USP8: variants seen among roughly 807,000 people sequenced by gnomAD.
The protein encoded by USP8 is ubiquitin specific peptidase 8.
USP8 carries 27 observed loss-of-function variants against 130.0 expected under a neutral mutation model. The observed-to-expected ratio is 0.21, with a 90% CI of 0.15 to 0.29. The LOEUF (loss-of-function observed/expected upper bound fraction) is 0.29, where lower values mean the gene tolerates loss of function less well. Ranked by LOEUF, USP8 falls within the 10% of genes least tolerant of loss-of-function variation. The pLI, the probability that USP8 is intolerant of heterozygous loss-of-function variation, is 1.00. For missense variants in USP8, 1,029 were observed against 1,312.2 expected (o/e 0.78, Z 3.33); for synonymous variants, 392 against 444.1 (o/e 0.88, Z 1.48).
chr15:50,428,857 T>G (rs1336825910), intron 1 of USP8, among the ~76,000 whole-genome samples: 1 of 152,202 alleles, frequency 6.6e-6, no homozygotes, highest in Non-Finnish European at 1.5e-5. Context: ...TTGACATACG[T>G]GAATCTCTGC....
In USP8 at chr15:50,502,907, C is replaced by T. The variant is rs1353002192; in HGVS notation, c.*3819C>T. On this transcript the variant is annotated 3_prime_UTR_variant, in exon 20 of 20. Coordinates refer to ENST00000307179, the MANE Select transcript of USP8 (RefSeq NM_005154.5). ...TGAGCTTTAATTTCTCATCTATTAA[C>T]ATGGCTTGTTTTGTATAGCTGTTAT... 1 of 152,208 alleles carries T rather than the reference C, an allele frequency of 6.6e-6. No homozygotes were observed. Among genetic ancestry groups the T allele is most frequent in the Non-Finnish European group, 1.5e-5 (1 of 68,040 alleles). 9.4% of individuals were successfully genotyped at this position (152,208 alleles called of 1,614,324 possible).
At chr15:50,463,873 A>G (rs547951315) in intron 6 of USP8, among the ~76,000 whole-genome samples, 2 of 152,374 alleles carry the variant, frequency 1.3e-5, no homozygotes, top group Admixed American at 6.5e-5. Context: ...AAGGAAAAAT[A>G]GTAACATAGG....
intron 13 of USP8, 53 bp downstream of exon 13, chr15:50,489,934 T>G: frequency 7.1e-7 from 1 of 1,409,536 alleles, no homozygotes; most frequent in Non-Finnish European, 9.7e-7. Flanking sequence ...AAAAATGTTT[T>G]ATTTGTTTAT....
At chr15:50,427,010 A>C (rs994963193) in intron 1 of USP8, 3 of 147,378 alleles carry the variant, frequency 2.0e-5, no homozygotes, top group African/African-American at 7.5e-5. Context: ...CCTGGAGTGC[A>C]GTGTACGATC....
chr15:50,465,403 A>G (rs541666524), intron 7 of USP8, among the ~76,000 whole-genome samples: 1 of 152,264 alleles, frequency 6.6e-6, no homozygotes, highest in South Asian at 2.1e-4. Context: ...GGCAAAAGAA[A>G]GAGAAAGAAG....
rs1272856940 is a variant in USP8 at position 50,510,646 on chromosome 15, G to A, written c.*11558G>A. ...GATACAAGATTTAAATCAGCAAAAA[G>A]TTAGATATACGTGTGTATAGATGTG... On this transcript the variant is annotated 3_prime_UTR_variant, in exon 20 of 20. Coordinates refer to ENST00000307179, the MANE Select transcript of USP8 (RefSeq NM_005154.5). The A allele has an allele frequency of 6.6e-6, 1 of 152,106 alleles. No homozygotes were observed. Among genetic ancestry groups the A allele is most frequent in the Non-Finnish European group, 1.5e-5 (1 of 68,024 alleles). 9.4% of individuals were successfully genotyped at this position (152,106 alleles called of 1,614,324 possible).
At position 50,498,942 on chromosome 15, in the gene USP8, T is replaced by A; in HGVS notation, c.3211T>A (p.Tyr1071Asn). The A allele has an allele frequency of 1.9e-6, 3 of 1,613,974 alleles. No individual in the cohort carries two copies. In the East Asian group the frequency reaches 6.7e-5, roughly 36 times the overall value. Residue 1071 changes from tyrosine (Y) to asparagine (N), a missense_variant, in exon 20 of 20, where the codon TAT becomes AAT. This residue lies in a region of USP8 where 257 missense variants were observed against 429.8 expected (regional missense o/e 0.60). Coordinates refer to ENST00000307179, the MANE Select transcript of USP8 (RefSeq NM_005154.5). ...GGLDGGHYTAYCKNAARQRWF... is the reference protein window; with the variant it reads ...GGLDGGHYTANCKNAARQRWF... Reference sequence around the variant, plus strand: ...GCTGGATGGAGGCCACTACACAGCCTATTGTAAAAATGCAGCAAGACAACG... The same window carrying A: ...GCTGGATGGAGGCCACTACACAGCCAATTGTAAAAATGCAGCAAGACAACG...
At chr15:50,452,050 C>T (rs898745401) in intron 4 of USP8, among the ~76,000 whole-genome samples, 3 of 152,274 alleles carry the variant, frequency 2.0e-5, no homozygotes, top group African/African-American at 7.2e-5. Context: ...GTCCCAGGTG[C>T]GGCCGCTATA....
chr15:50,496,297 C>T (rs558212993), intron 17 of USP8, among the ~76,000 whole-genome samples: 10 of 151,952 alleles, frequency 6.6e-5, no homozygotes, highest in African/African-American at 1.4e-4. Flanking sequence ...CTGGATAACA[C>T]GGTGAAACCC....
At position 50,500,703 on chromosome 15, in the gene USP8, GAGATCCATAGC is replaced by G. The variant is rs1394811919; in HGVS notation, c.*1617_*1627del. 2 of 1,435,672 alleles carry G rather than the reference GAGATCCATAGC, an allele frequency of 1.4e-6. No individual in the cohort carries two copies. The highest frequency in any genetic ancestry group is 2.8e-5 in the African/African-American group (2 of 70,774). 88.9% of individuals were successfully genotyped at this position (1,435,672 alleles called of 1,614,324 possible). A position where few individuals can be genotyped will look rare whatever the true frequency, so the allele number is the denominator to read the frequency against. ...AAAAGGGCTGGCAGCTATAGAACAGGAGATCCATAGCATTTTGAACAGAAGTATCTGGAATC... is the reference window on the plus strand; with the variant it reads ...AAAAGGGCTGGCAGCTATAGAACAGGATTTTGAACAGAAGTATCTGGAATC... On this transcript the variant is annotated 3_prime_UTR_variant, in exon 20 of 20. Coordinates refer to ENST00000307179, the MANE Select transcript of USP8 (RefSeq NM_005154.5).
intron 3 of USP8, among the ~76,000 whole-genome samples, chr15:50,443,291 G>A (rs11070776): frequency 0.47 from 71,653 of 151,606 alleles, 17,364 homozygotes; most frequent in East Asian, 0.58. Context: ...CGCCCCTCTC[G>A]TTCTCCCAAA....
chr15:50,460,796 A>G (rs1415118981), intron 5 of USP8, among the ~76,000 whole-genome samples: 1 of 151,926 alleles, frequency 6.6e-6, no homozygotes, highest in African/African-American at 2.4e-5. Context: ...TTCTGCTTTG[A>G]TTTTTTTCTT....
intron 3 of USP8, among the ~76,000 whole-genome samples, chr15:50,446,260 T>C (rs1214043612): frequency 2.6e-5 from 4 of 152,226 alleles, no homozygotes; most frequent in African/African-American, 9.6e-5. Flanking sequence ...TTTGGAAGTA[T>C]TTATATTTAC....
At position 50,499,126 on chromosome 15, in the gene USP8, C is replaced by T. The variant is rs953632130; in HGVS notation, c.*38C>T. On this transcript the variant is annotated 3_prime_UTR_variant, in exon 20 of 20. Transcript: ENST00000307179. ...TATAAACTAGTTATCTTTTAAAAGG[C>T]TCAGCAACACAACTCTTGAAATGCT... is the stretch of plus-strand genomic sequence containing the variant. The T allele has an allele frequency of 1.3e-6, 2 of 1,527,364 alleles. No individual in the cohort carries two copies. Among genetic ancestry groups the T allele is most frequent in the African/African-American group, 1.4e-5 (1 of 72,186 alleles). 94.6% of individuals were successfully genotyped at this position (1,527,364 alleles called of 1,614,324 possible).
intron 16 of USP8, among the ~76,000 whole-genome samples, chr15:50,495,645 C>A (rs2052367520): frequency 6.6e-6 from 1 of 152,124 alleles, no homozygotes; most frequent in Non-Finnish European, 1.5e-5. Context: ...TTCAACAAGT[C>A]ACATTCCTTC....
chr15:50,463,699 C>T (rs2051089336), intron 6 of USP8, among the ~76,000 whole-genome samples: 1 of 152,138 alleles, frequency 6.6e-6, no homozygotes, highest in South Asian at 2.1e-4. Context: ...TTAGCATACA[C>T]TTGATGGCTA....
In USP8 at chr15:50,445,890, A is replaced by G. The variant is rs118013405; in HGVS notation, c.250-3510A>G. On this transcript the variant is annotated intron_variant, in intron 3 of 19. Transcript: ENST00000307179. ...AAAAAAAAATTGAGATTTAGATAAAACATTAATTTAGCAAGCTCTCTCAAT... is the reference window on the plus strand; with the variant it reads ...AAAAAAAAATTGAGATTTAGATAAAGCATTAATTTAGCAAGCTCTCTCAAT... Among the ~76,000 whole-genome samples, 1,165 of 152,120 alleles carry G rather than the reference A, an allele frequency of 7.7e-3. 2 individuals carry two copies. The highest frequency in any genetic ancestry group is 0.014 in the Middle Eastern group (4 of 294).
intron 18 of USP8, 34 bp downstream of exon 18, chr15:50,497,265 A>G (rs767654461): frequency 1.3e-6 from 2 of 1,563,574 alleles, no homozygotes; most frequent in South Asian, 2.4e-5. Flanking sequence ...TGTTCAGTGA[A>G]ATTAAATGAG....
In USP8 at chr15:50,482,026, G is replaced by C. The variant is rs761980728; in HGVS notation, c.1764G>C (p.Val588=). 1.0e-5 allele frequency: 16 copies of C among 1,550,922 alleles called. No homozygotes were observed. The South Asian group carries it at 1.6e-4, about 16-fold the overall frequency. The part of the protein sequence containing the change: ...PEIQKKSTGD[V]PHTSVTGDSG... ...TACAGAAAAAGTCAACAGGAGATGTGCCCCATACATCTGTGACAGGGGATT... is the reference window on the plus strand; with the variant it reads ...TACAGAAAAAGTCAACAGGAGATGTCCCCCATACATCTGTGACAGGGGATT... Residue 588 remains valine, a synonymous_variant, in exon 11 of 20, where the codon GTG becomes GTC. Transcript: ENST00000307179.
Sources: gnomAD v4.1 joint callset for allele counts (sites outside exome capture counted in the v4.1 genomes callset) on GRCh38, gnomAD v4.1.1 for gene constraint, gnomAD v4.1.1 regional missense constraint, MANE v1.5 for transcripts, NCBI Gene and HGNC (gene_info 2026-07-23, HGNC 2026-07-21) for gene names.